The following HAUS6 variants were observed in gnomAD, a reference collection of about 807,000 sequenced individuals.
HAUS6 encodes HAUS augmin like complex subunit 6.
HAUS6 carries 80 observed loss-of-function variants against 106.8 expected under a neutral mutation model. The observed-to-expected ratio is 0.75, with a 90% CI of 0.63 to 0.90. HAUS6 has a LOEUF of 0.90. HAUS6 is among the 40% of genes least tolerant of loss of function. The probability of loss-of-function intolerance (pLI) is 0.00; values close to 1 mark genes in which losing one functional copy is unlikely to be tolerated. For synonymous variants in HAUS6, 356 were observed against 379.1 expected (o/e 0.94, Z 0.71); for missense variants, 1,155 against 1,118.1 (o/e 1.03, Z -0.47).
Position 19,089,729 on chromosome 9 carries a change from A to G in HAUS6, c.437-170T>C, listed in dbSNP as rs1200226167. ...ACTTACAAGCTAATAAATACCAAAAATGTTGAATTTCAATATTAAGAAATT... is the reference window on the plus strand; with the variant it reads ...ACTTACAAGCTAATAAATACCAAAAGTGTTGAATTTCAATATTAAGAAATT... On this transcript the variant is annotated intron_variant, in intron 4 of 16. Transcript: ENST00000380502. The G allele has an allele frequency of 7.7e-6, 4 of 520,458 alleles. No homozygotes were observed. The Admixed American group carries it at 1.1e-4, about 14-fold the overall frequency. The allele number at this position is 520,458 out of a possible 1,614,324, so 32.2% of individuals were successfully genotyped here.
At chr9:19,091,305 A>G (rs926469007) in intron 4 of HAUS6, among the ~76,000 whole-genome samples, 1 of 151,978 alleles carries the variant, frequency 6.6e-6, no homozygotes, top group Admixed American at 6.6e-5. Context: ...GTCTGCGAAA[A>G]AAAAAAAAAG....
At chr9:19,095,430 G>A (rs563337819) in intron 2 of HAUS6, among the ~76,000 whole-genome samples, 79 of 151,796 alleles carry the variant, frequency 5.2e-4, no homozygotes, top group Non-Finnish European at 1.0e-3. Flanking sequence ...CATGGTTGAC[G>A]GGTTTCAAAA....
At chr9:19,101,075 G>C (rs1351030673) in intron 1 of HAUS6, among the ~76,000 whole-genome samples, 1 of 152,148 alleles carries the variant, frequency 6.6e-6, no homozygotes, top group African/African-American at 2.4e-5. Context: ...TTTTAAAATA[G>C]CTAGAAAAGA....
Position 19,085,003 on chromosome 9 carries a change from C to T in HAUS6, c.699+1731G>A, listed in dbSNP as rs1422849356. 2.6e-5 allele frequency among the ~76,000 whole-genome samples: 4 copies of T among 152,216 alleles called. No homozygotes were observed. The East Asian group carries it at 5.8e-4, about 22-fold the overall frequency. ...AGTCCACTGGCACAACCAGAGCACA[C>T]TGCAGCCTTGAGCTCCTGGGCTCAA... On this transcript the variant is annotated intron_variant, in intron 7 of 16. Transcript: ENST00000380502.
At chr9:19,060,546 C>G (rs1290132599) in intron 14 of HAUS6, among the ~76,000 whole-genome samples, 1 of 152,192 alleles carries the variant, frequency 6.6e-6, no homozygotes, top group Non-Finnish European at 1.5e-5. Flanking sequence ...CTGTCTGCCA[C>G]AACTGTGAGC....
At chr9:19,096,911 T>C (rs946736604) in intron 1 of HAUS6, 142 bp from the exon 2 acceptor site, 5 of 471,820 alleles carry the variant, frequency 1.1e-5, no homozygotes, top group Non-Finnish European at 1.5e-5. Context: ...TTCTCATTCA[T>C]GTGTATTTTA....
intron 4 of HAUS6, among the ~76,000 whole-genome samples, chr9:19,090,994 T>C (rs976093644): frequency 3.3e-5 from 5 of 152,160 alleles, no homozygotes; most frequent in Admixed American, 3.3e-4. Flanking sequence ...GGTTCTAGCA[T>C]TGCCTCAGAG....
intron 6 of HAUS6, 53 bp from the exon 7 acceptor site, chr9:19,086,835 T>A: frequency 1.3e-6 from 1 of 782,730 alleles, no homozygotes; most frequent in Non-Finnish European, 2.1e-6. Flanking sequence ...CATGGTAATT[T>A]AATATCCAAA....
chr9:19,066,707 A>T (rs755614983), intron 12 of HAUS6, among the ~76,000 whole-genome samples: 1 of 151,576 alleles, frequency 6.6e-6, no homozygotes, highest in Non-Finnish European at 1.5e-5. Context: ...AGAACCAGAA[A>T]TGGAAGCCAG....
intron 11 of HAUS6, among the ~76,000 whole-genome samples, chr9:19,072,081 T>C (rs1295389620): frequency 4.0e-5 from 6 of 151,610 alleles, no homozygotes; most frequent in Admixed American, 3.3e-4. Context: ...TCCCAGCTAC[T>C]TGGAAGCTTG....
chr9:19,089,358 T>G (rs1206339737), intron 5 of HAUS6, 54 bp downstream of exon 5: 3 of 1,117,070 alleles, frequency 2.7e-6, no homozygotes, highest in Non-Finnish European at 4.1e-6. Context: ...ATTATATTGG[T>G]GACATCTGTT....
intron 7 of HAUS6, 34 bp from the exon 8 acceptor site, chr9:19,083,077 A>G: frequency 7.2e-7 from 1 of 1,380,940 alleles, no homozygotes; most frequent in South Asian, 1.4e-5. Context: ...TAAAGTCCAC[A>G]CATAATCTGT....
At position 19,093,230 on chromosome 9, in the gene HAUS6, T is replaced by C. The variant is rs1450688238; in HGVS notation, c.377A>G (p.His126Arg). Residue 126 changes from histidine to arginine, a missense_variant, in exon 4 of 17, where the codon CAT (histidine) becomes CGT (arginine). By Grantham distance (29) the His-to-Arg change is conservative. Around this residue, in one of 3 missense-constraint regions of HAUS6, gnomAD observed 761 missense variants for 690.0 expected, o/e 1.10. Coordinates refer to ENST00000380502, the MANE Select transcript of HAUS6 (RefSeq NM_017645.5). The part of the protein sequence containing the change: ...FLSPGGPKFI[H>R]LMYHFARFVA... ...AAATCTTGCAAAATGATACATCAGA[T>C]GAATAAACTTAGGACCACCAGGAGA... 1 of 1,608,910 alleles carries C rather than the reference T, an allele frequency of 6.2e-7. No homozygotes were observed. Among genetic ancestry groups the C allele is most frequent in the East Asian group, 2.2e-5 (1 of 44,822 alleles).
chr9:19,055,561 T>G lies in HAUS6; in HGVS notation c.*782A>C, dbSNP rs1836451657. ...TAATGAAAATTTTAATTTATATTTTTGTTAAAATATAAAAGTAGCATTAAA... is the reference window on the plus strand; with the variant it reads ...TAATGAAAATTTTAATTTATATTTTGGTTAAAATATAAAAGTAGCATTAAA... On this transcript the variant is annotated 3_prime_UTR_variant, in exon 17 of 17. Transcript: ENST00000380502. 6.6e-6 allele frequency: 1 copy of G among 152,258 alleles called. No homozygotes were observed. Among genetic ancestry groups the G allele is most frequent in the Non-Finnish European group, 1.5e-5 (1 of 68,044 alleles). The allele number at this position is 152,258 out of a possible 1,614,324, so 9.4% of individuals were successfully genotyped here.
rs866613174 is a variant in HAUS6 at position 19,060,097 on chromosome 9, C to T, written c.1756G>A (p.Glu586Lys). 2.5e-6 allele frequency: 4 copies of T among 1,606,566 alleles called. No individual in the cohort carries two copies. The African/African-American group carries it at 5.4e-5, about 22-fold the overall frequency. Residue 586 changes from glutamate to lysine, a missense_variant, in exon 15 of 17, where the codon GAA (glutamate) becomes AAA (lysine). Glu to Lys is a moderately conservative substitution (Grantham distance 56). Transcript: ENST00000380502. ...AGCATTATTAACTTACTCAAGTTTT[C>T]TGGAGTACGGGGAATCTGATTCCTT... is the stretch of plus-strand genomic sequence containing the variant. Reference protein sequence around the residue: ...LTRNQIPRTPENLITEIRSSW... With the variant: ...LTRNQIPRTPKNLITEIRSSW...
chr9:19,069,352 T>A (rs1033425424), intron 12 of HAUS6, among the ~76,000 whole-genome samples: 2 of 152,196 alleles, frequency 1.3e-5, no homozygotes, highest in Non-Finnish European at 2.9e-5. Flanking sequence ...TTGGATCTTT[T>A]CTGAAAATGT....
intron 7 of HAUS6, among the ~76,000 whole-genome samples, chr9:19,084,611 A>C (rs1306172947): frequency 6.6e-6 from 1 of 151,532 alleles, no homozygotes; most frequent in Admixed American, 6.6e-5. Context: ...AATATCTCTA[A>C]TTAGTTCACT....
chr9:19,084,813 G>A (rs970320264), intron 7 of HAUS6, among the ~76,000 whole-genome samples: 4 of 151,776 alleles, frequency 2.6e-5, no homozygotes, highest in Non-Finnish European at 5.9e-5. Flanking sequence ...TTTATTTTTG[G>A]TAGAGACAGG....
chr9:19,066,580 C>T (rs188893293), intron 12 of HAUS6, among the ~76,000 whole-genome samples: 2 of 141,498 alleles, frequency 1.4e-5, no homozygotes, highest in South Asian at 2.2e-4. Context: ...AACTCCCCCC[C>T]ACACACACAA....
Sources: allele counts gnomAD v4.1 joint callset (sites outside exome capture counted in the v4.1 genomes callset), GRCh38; gene constraint gnomAD v4.1.1; regional missense constraint gnomAD v4.1.1; transcripts MANE v1.5; gene names NCBI Gene and HGNC (gene_info 2026-07-23, HGNC 2026-07-21).